Variants in HAUS6 observed in about 807,000 individuals in gnomAD.
HAUS6 encodes the protein HAUS augmin like complex subunit 6, also known as HAUS augmin-like complex subunit 6.
In HAUS6, 80 loss-of-function variants were observed where a neutral mutation model predicts 106.8. That is an observed-to-expected ratio of 0.75 (90% confidence interval 0.63 to 0.90). HAUS6 has a LOEUF of 0.90. Ranked by LOEUF, HAUS6 falls within the 40% of genes least tolerant of loss-of-function variation. The pLI is 0.00. For missense variants in HAUS6, 1,155 were observed against 1,118.1 expected, an observed-to-expected ratio of 1.03 and a Z score of -0.47; for synonymous variants, 356 against 379.1, an observed-to-expected ratio of 0.94 and a Z score of 0.71.
chr9:19,070,333 T>C, intron 11 of HAUS6, 33 bp from the exon 12 acceptor site: 1 of 1,117,416 alleles, frequency 8.9e-7, no homozygotes, highest in Non-Finnish European at 1.4e-6. Context: ...TACTCTTTAA[T>C]TATGTTTGTA....
At chr9:19,092,447 C>A (rs1817772113) in intron 4 of HAUS6, among the ~76,000 whole-genome samples, 2 of 151,338 alleles carry the variant, frequency 1.3e-5, no homozygotes, top group African/African-American at 4.9e-5. Flanking sequence ...GAAACCCCAT[C>A]TCTACTAAAA....
At chr9:19,070,104 C>G in intron 12 of HAUS6, 115 bp downstream of exon 12, 1 of 654,800 alleles carries the variant, frequency 1.5e-6, no homozygotes, top group Non-Finnish European at 2.7e-6. Flanking sequence ...GAAAAGTTCT[C>G]CAACTCCCCA....
At chr9:19,088,985 G>A (rs941982709) in intron 5 of HAUS6, among the ~76,000 whole-genome samples, 35 of 152,160 alleles carry the variant, frequency 2.3e-4, no homozygotes, top group African/African-American at 7.0e-4. Context: ...GCTCATGTCT[G>A]TAATCTCAGC....
intron 9 of HAUS6, among the ~76,000 whole-genome samples, chr9:19,078,866 A>C (rs1313810187): frequency 6.7e-6 from 1 of 148,932 alleles, no homozygotes; most frequent in Non-Finnish European, 1.5e-5. Context: ...AAAAAAGACC[A>C]GAAAGAGGCC....
chr9:19,099,213 C>T (rs2131160020), intron 1 of HAUS6, among the ~76,000 whole-genome samples: 1 of 149,866 alleles, frequency 6.7e-6, no homozygotes, highest in South Asian at 2.1e-4. Context: ...GTCCCCCAGG[C>T]TGGAGTGCAG....
chr9:19,081,664 C>A (rs973127544), intron 8 of HAUS6, among the ~76,000 whole-genome samples: 1 of 152,010 alleles, frequency 6.6e-6, no homozygotes, highest in African/African-American at 2.4e-5. Flanking sequence ...GGTCTCAATA[C>A]CTGACCGCAA....
At chr9:19,065,837 G>A (rs1256293676) in intron 12 of HAUS6, among the ~76,000 whole-genome samples, 8 of 151,830 alleles carry the variant, frequency 5.3e-5, no homozygotes, top group South Asian at 2.1e-4. Flanking sequence ...ACGAAACTCC[G>A]CCTCAAAAAT....
chr9:19,071,817 G>C (rs1483322752), intron 11 of HAUS6, among the ~76,000 whole-genome samples: 1 of 151,956 alleles, frequency 6.6e-6, no homozygotes, highest in Non-Finnish European at 1.5e-5. Context: ...CAATCCTCCT[G>C]CCTCAGGCTC....
intron 2 of HAUS6, among the ~76,000 whole-genome samples, chr9:19,095,191 A>G (rs892060517): frequency 6.6e-6 from 1 of 151,996 alleles, no homozygotes; most frequent in African/African-American, 2.4e-5. Context: ...AACAAGACAG[A>G]AAAACATTAA....
chr9:19,097,481 C>CA (rs1191786133), intron 1 of HAUS6, among the ~76,000 whole-genome samples: 1 of 151,658 alleles, frequency 6.6e-6, no homozygotes, highest in Non-Finnish European at 1.5e-5. Flanking sequence ...TTTATGCAGC[C>CA]AAAAAACACA....
chr9:19,062,469 G>A (rs1483490823), intron 14 of HAUS6, among the ~76,000 whole-genome samples: 4 of 152,180 alleles, frequency 2.6e-5, no homozygotes, highest in Non-Finnish European at 5.9e-5. Flanking sequence ...AGAATGGGAA[G>A]TGGGTTCTAA....
intron 1 of HAUS6, among the ~76,000 whole-genome samples, chr9:19,100,477 T>C (rs1817964889): frequency 6.6e-6 from 1 of 152,244 alleles, no homozygotes; most frequent in Non-Finnish European, 1.5e-5. Flanking sequence ...GCTTGTACTT[T>C]GTTGGTGGAA....
chr9:19,080,495 C>T lies in HAUS6; in HGVS notation c.1048G>A (p.Asp350Asn), dbSNP rs911330993. ...ETKFQKERLS[D>N]LKHMRYRIKD... ...TTAGTGTACCTCATATGTTTCAGAT[C>T]TGATAATCTTTCCTTCTGAAATTTG... The change falls in exon 9 of 17, where the codon GAT becomes AAT. Residue 350 changes from aspartate to asparagine, a missense_variant. Physicochemically the swap from Asp to Asn is conservative, Grantham distance 23. This residue lies in a region of HAUS6 where 761 missense variants were observed against 690.0 expected (regional missense o/e 1.10). Coordinates refer to ENST00000380502, the MANE Select transcript of HAUS6 (RefSeq NM_017645.5). The T allele has an allele frequency of 1.9e-6, 3 of 1,605,942 alleles. No individual in the cohort carries two copies. Among genetic ancestry groups the T allele is most frequent in the Non-Finnish European group, 1.7e-6 (2 of 1,174,456 alleles).
intron 9 of HAUS6, 33 bp from the exon 10 acceptor site, chr9:19,078,335 A>T: frequency 8.1e-7 from 1 of 1,242,046 alleles, no homozygotes; most frequent in Non-Finnish European, 1.2e-6. Context: ...TATTCAAAAG[A>T]TGATACAAAA....
chr9:19,085,472 TAC>T lies in HAUS6; in HGVS notation c.699+1260_699+1261del, dbSNP rs1837267494. 2.0e-5 allele frequency among the ~76,000 whole-genome samples: 3 copies of T among 152,074 alleles called. No individual in the cohort carries two copies. The South Asian group carries it at 6.2e-4, about 32-fold the overall frequency. On this transcript the variant is annotated intron_variant, in intron 7 of 16. Coordinates refer to ENST00000380502, the MANE Select transcript of HAUS6 (RefSeq NM_017645.5). ...TACCTAGCACATATCAGATGATCAA[TAC>T]ATTCACTGAATAAAAATATTTCCTG... is the stretch of plus-strand genomic sequence containing the variant.
At chr9:19,096,199 G>C (rs907067403) in intron 2 of HAUS6, among the ~76,000 whole-genome samples, 1 of 152,128 alleles carries the variant, frequency 6.6e-6, no homozygotes, top group African/African-American at 2.4e-5. Context: ...TAAAGATTAA[G>C]TATTAAATGT....
chr9:19,096,607 GTA>G, intron 2 of HAUS6, 65 bp downstream of exon 2: 2 of 466,452 alleles, frequency 4.3e-6, no homozygotes, highest in Middle Eastern at 7.1e-4. Flanking sequence ...ATTCTGGCTT[GTA>G]TCAAAACGCT....
intron 12 of HAUS6, among the ~76,000 whole-genome samples, chr9:19,067,000 C>G (rs1436007907): frequency 6.0e-5 from 9 of 150,204 alleles, no homozygotes. Flanking sequence ...GAGCAAGTCC[C>G]TTCTCAAAAA....
At position 19,053,950 on chromosome 9, in the gene HAUS6, TA is replaced by T. The variant is rs920886147; in HGVS notation, c.*2392del. On this transcript the variant is annotated 3_prime_UTR_variant, in exon 17 of 17. Transcript: ENST00000380502. ...TAACTAGAAAGACCACATGCAACCA[TA>T]AAAAATATATAATAAAATCAATTCG... is the stretch of plus-strand genomic sequence containing the variant. 4 of 151,928 alleles carry T rather than the reference TA, an allele frequency of 2.6e-5. No individual in the cohort carries two copies. The highest frequency in any genetic ancestry group is 2.0e-4 in the Admixed American group (3 of 15,248). The allele number at this position is 151,928 out of a possible 1,614,324, so 9.4% of individuals were successfully genotyped here.
Sources: allele counts gnomAD v4.1 joint callset (sites outside exome capture counted in the v4.1 genomes callset), GRCh38; gene constraint gnomAD v4.1.1; regional missense constraint gnomAD v4.1.1; transcripts MANE v1.5; gene names NCBI Gene and HGNC (gene_info 2026-07-23, HGNC 2026-07-21).